The following UGGT2 variants were observed in gnomAD, a reference collection of about 807,000 sequenced individuals.
The protein encoded by UGGT2 is UDP-glucose:glycoprotein glucosyltransferase 2.
A neutral mutation model predicts 192.1 loss-of-function variants in UGGT2; 180 were observed. The ratio of observed to expected loss-of-function variants is 0.94; its 90% confidence interval spans 0.83 to 1.06. The LOEUF is 1.06. Ranked by LOEUF, UGGT2 falls within the 50% of genes least tolerant of loss-of-function variation. The pLI, the probability that UGGT2 is intolerant of heterozygous loss-of-function variation, is 0.00. For missense variants in UGGT2, 1,849 were observed against 1,795.7 expected, an observed-to-expected ratio of 1.03 and a Z score of -0.54; for synonymous variants, 580 against 591.0, an observed-to-expected ratio of 0.98 and a Z score of 0.27.
Position 95,889,726 on chromosome 13 carries a change from G to A in UGGT2, c.2958+1136C>T, listed in dbSNP as rs1219102540. Among the ~76,000 whole-genome samples, 23 of 152,084 alleles carry A rather than the reference G, an allele frequency of 1.5e-4. 1 individual carries two copies. Among genetic ancestry groups the A allele is most frequent in the African/African-American group, 4.8e-5 (2 of 41,420 alleles). On this transcript the variant is annotated intron_variant, in intron 25 of 38. Coordinates refer to ENST00000376747, the MANE Select transcript of UGGT2 (RefSeq NM_020121.4). ...TTTGGAGACTGATATCTGTCTCTTC[G>A]CATTCATTTTCCTCTTTCACAGGGA...
At chr13:96,046,383 T>C (rs571204427) in intron 1 of UGGT2, among the ~76,000 whole-genome samples, 1 of 152,322 alleles carries the variant, frequency 6.6e-6, no homozygotes, top group South Asian at 2.1e-4. Context: ...ATAAAAATTC[T>C]AGAAGATAAC....
At chr13:95,851,952 C>T (rs1415031279) in intron 36 of UGGT2, among the ~76,000 whole-genome samples, 9 of 152,058 alleles carry the variant, frequency 5.9e-5, no homozygotes, top group Non-Finnish European at 8.8e-5. Flanking sequence ...TATTCATAAT[C>T]GAAATCTGGC....
chr13:95,994,198 T>C (rs921161497), intron 7 of UGGT2, among the ~76,000 whole-genome samples: 1 of 152,014 alleles, frequency 6.6e-6, no homozygotes, highest in Admixed American at 6.6e-5. Flanking sequence ...CTCCTGTTTC[T>C]CTAAGCACAC....
intron 12 of UGGT2, among the ~76,000 whole-genome samples, chr13:95,969,885 A>G (rs1206157676): frequency 6.6e-6 from 1 of 152,226 alleles, no homozygotes; most frequent in Non-Finnish European, 1.5e-5. Flanking sequence ...GGTGGAAAAG[A>G]CACTGAATGA....
chr13:95,891,582 G>C (rs1198032597), intron 24 of UGGT2, among the ~76,000 whole-genome samples: 1 of 152,044 alleles, frequency 6.6e-6, no homozygotes, highest in East Asian at 1.9e-4. Context: ...ACAGGCCAGA[G>C]GGAGACAGTC....
At chr13:95,814,226 C>T (rs1884709932) in intron 38 of UGGT2, among the ~76,000 whole-genome samples, 2 of 152,196 alleles carry the variant, frequency 1.3e-5, no homozygotes, top group Non-Finnish European at 2.9e-5. Flanking sequence ...AGTAGATCCA[C>T]TGGCAGCTTG....
intron 24 of UGGT2, among the ~76,000 whole-genome samples, chr13:95,893,377 A>C (rs2047856763): frequency 6.6e-6 from 1 of 152,162 alleles, no homozygotes; most frequent in African/African-American, 2.4e-5. Flanking sequence ...CTCTCTAAAA[A>C]GCTGTGAATA....
intron 12 of UGGT2, among the ~76,000 whole-genome samples, chr13:95,968,034 C>T (rs959238253): frequency 2.0e-5 from 3 of 152,050 alleles, no homozygotes; most frequent in Non-Finnish European, 4.4e-5. Flanking sequence ...TCTTGTCACA[C>T]AACACTTTTA....
intron 2 of UGGT2, among the ~76,000 whole-genome samples, chr13:96,031,467 C>A (rs567064708): frequency 1.3e-5 from 2 of 152,158 alleles, no homozygotes; most frequent in East Asian, 1.9e-4. Context: ...CCACACCTGG[C>A]CAATTTATTT....
At chr13:95,949,825 G>T (rs2140617409) in intron 12 of UGGT2, among the ~76,000 whole-genome samples, 1 of 151,944 alleles carries the variant, frequency 6.6e-6, no homozygotes, top group East Asian at 1.9e-4. Flanking sequence ...TTAAAGGCTT[G>T]GATATAAGGA....
chr13:96,038,478 T>C (rs1318937700), intron 1 of UGGT2, among the ~76,000 whole-genome samples: 2 of 152,326 alleles, frequency 1.3e-5, no homozygotes, highest in South Asian at 2.1e-4. Flanking sequence ...AAAAGAATGA[T>C]ATATTACTAT....
chr13:95,852,152 C>T (rs1196119084), intron 36 of UGGT2, among the ~76,000 whole-genome samples: 1 of 152,182 alleles, frequency 6.6e-6, no homozygotes, highest in Non-Finnish European at 1.5e-5. Context: ...TAATTTCCCA[C>T]TTACTAGATT....
At chr13:95,922,165 C>T (rs992548122) in intron 20 of UGGT2, among the ~76,000 whole-genome samples, 1 of 152,194 alleles carries the variant, frequency 6.6e-6, no homozygotes, top group Non-Finnish European at 1.5e-5. Flanking sequence ...AACATTGGCT[C>T]GGCTGGAGGC....
intron 15 of UGGT2, among the ~76,000 whole-genome samples, chr13:95,946,684 T>C (rs563801548): frequency 7.2e-5 from 11 of 152,326 alleles, no homozygotes; most frequent in Non-Finnish European, 4.4e-5. Flanking sequence ...AATGATCTCT[T>C]TAATCAAAGC....
intron 36 of UGGT2, among the ~76,000 whole-genome samples, chr13:95,839,756 C>T (rs1306450443): frequency 6.6e-6 from 1 of 152,088 alleles, no homozygotes; most frequent in Admixed American, 6.6e-5. Context: ...CAAATAGGAG[C>T]GTATCATGGT....
At chr13:95,918,021 C>T (rs2140384021) in intron 20 of UGGT2, among the ~76,000 whole-genome samples, 1 of 152,272 alleles carries the variant, frequency 6.6e-6, no homozygotes, top group Middle Eastern at 3.4e-3. Context: ...CTGAACTCAG[C>T]TCTGGATCAA....
intron 12 of UGGT2, among the ~76,000 whole-genome samples, chr13:95,956,969 T>C (rs564955388): frequency 1.3e-5 from 2 of 152,342 alleles, no homozygotes; most frequent in East Asian, 3.9e-4. Context: ...CTGTGGTATA[T>C]ACATTCAATG....
chr13:95,841,478 G>C (rs776434983), intron 36 of UGGT2, among the ~76,000 whole-genome samples: 2 of 152,160 alleles, frequency 1.3e-5, no homozygotes, highest in Non-Finnish European at 2.9e-5. Context: ...GGGAGGAAGA[G>C]GTCAGTTGCG....
intron 16 of UGGT2, 32 bp from the exon 17 acceptor site, chr13:95,937,120 C>T (rs571922713): frequency 1.9e-6 from 3 of 1,561,148 alleles, no homozygotes; most frequent in Middle Eastern, 1.7e-4. Context: ...GAGTGTTAAA[C>T]AAAATATGAT....
Sources: gnomAD v4.1 joint callset for allele counts (sites outside exome capture counted in the v4.1 genomes callset) on GRCh38, gnomAD v4.1.1 for gene constraint, MANE v1.5 for transcripts, NCBI Gene and HGNC (gene_info 2026-07-23, HGNC 2026-07-21) for gene names.